VPS33B: variants seen among roughly 807,000 people sequenced by gnomAD.
The protein encoded by VPS33B is VPS33B late endosome and lysosome associated.
A neutral mutation model predicts 95.3 loss-of-function variants in VPS33B; 80 were observed. The ratio of observed to expected loss-of-function variants is 0.84; its 90% confidence interval spans 0.70 to 1.01. The LOEUF (loss-of-function observed/expected upper bound fraction) is 1.01. VPS33B is among the 50% of genes least tolerant of loss of function. VPS33B has a pLI of 0.00. For missense variants in VPS33B, 715 were observed against 773.4 expected, an observed-to-expected ratio of 0.92 and a Z score of 0.90; for synonymous variants, 280 against 280.4, an observed-to-expected ratio of 1.00 and a Z score of 0.01.
rs1050433695 is a variant in VPS33B, at chr15:91,015,164, C to T, written c.240-731G>A. 1.3e-5 allele frequency among the ~76,000 whole-genome samples: 2 copies of T among 151,148 alleles called. No homozygotes were observed. The highest frequency in any genetic ancestry group is 2.9e-5 in the Non-Finnish European group (2 of 67,798). On this transcript the variant is annotated intron_variant, in intron 3 of 22. Transcript: ENST00000333371. The surrounding 1 kb of genome is among the most constrained non-coding windows in gnomAD (Gnocchi z 4.7). ...CAGCCCAGCCAACATGGTGAAACCC[C>T]GTCTCTACTAAAAATACAAAAATTG...
rs1233749802 is a variant in VPS33B, at chr15:91,018,467, G to C, written c.97-582C>G. Among the ~76,000 whole-genome samples the C allele has an allele frequency of 6.6e-6, 1 of 152,166 alleles. No individual in the cohort carries two copies. Among genetic ancestry groups the C allele is most frequent in the African/African-American group, 2.4e-5 (1 of 41,424 alleles). On this transcript the variant is annotated intron_variant, in intron 1 of 22. Coordinates refer to ENST00000333371, the MANE Select transcript of VPS33B (RefSeq NM_018668.5). This position sits in a 1 kb window ranked among gnomAD's most constrained non-coding sequence, Gnocchi z 4.7. ...GAGAGGTCACAGTTAGTGACAGGGA[G>C]GGGAAAGTCACTGGGAGTTTCCTCT...
rs746964381 is a variant in VPS33B, at chr15:91,000,633, C to T, written c.1480-42G>A. On this transcript the variant is annotated intron_variant, in intron 19 of 22. Coordinates refer to ENST00000333371, the MANE Select transcript of VPS33B (RefSeq NM_018668.5). This position sits in a 1 kb window ranked among gnomAD's most constrained non-coding sequence, Gnocchi z 4.9. ...CTTCATTAGGCAAGTGACAGCTCAGCTCCCTAACCCTTTAAAGGGTCAGAT... is the reference window on the plus strand; with the variant it reads ...CTTCATTAGGCAAGTGACAGCTCAGTTCCCTAACCCTTTAAAGGGTCAGAT... 2 of 1,566,476 alleles carry T rather than the reference C, an allele frequency of 1.3e-6. No individual in the cohort carries two copies. The highest frequency in any genetic ancestry group is 1.8e-6 in the Non-Finnish European group (2 of 1,141,508).
rs190231820 is a variant in VPS33B at position 91,007,727 on chromosome 15, T to C, written c.498+143A>G. 9.4e-5 allele frequency: 107 copies of C among 1,139,676 alleles called. 1 individual carries two copies. In the East Asian group the frequency reaches 1.4e-3, roughly 15 times the overall value. 70.6% of individuals were successfully genotyped at this position (1,139,676 alleles called of 1,614,324 possible). ...CCACAGGAAGTCCCACAGAGACCAA[T>C]CTGTAGCACTCAATCACCACATCAC... On this transcript the variant is annotated intron_variant, in intron 7 of 22. Coordinates refer to ENST00000333371, the MANE Select transcript of VPS33B (RefSeq NM_018668.5). The surrounding 1 kb of genome is among the most constrained non-coding windows in gnomAD (Gnocchi z 5.3).
chr15:90,999,668 C>G lies in VPS33B; in HGVS notation c.1774+9G>C. On this transcript the variant is annotated intron_variant, in intron 22 of 22. Transcript: ENST00000333371. This position sits in a 1 kb window ranked among gnomAD's most constrained non-coding sequence, Gnocchi z 5.1. Reference sequence around the variant, plus strand: ...GCAGGCCAATTCTCACCTTTCTGCTCTCTCTTACCTTTCTCTCTGCCCAGG... The same window carrying G: ...GCAGGCCAATTCTCACCTTTCTGCTGTCTCTTACCTTTCTCTCTGCCCAGG... 2 of 1,613,850 alleles carry G rather than the reference C, an allele frequency of 1.2e-6. No individual in the cohort carries two copies. The highest frequency in any genetic ancestry group is 1.3e-5 in the African/African-American group (1 of 75,020).
chr15:90,999,318 GT>G lies in VPS33B; in HGVS notation c.1775-265del, dbSNP rs199831273. The G allele has an allele frequency of 0.074, 34,328 of 462,742 alleles. 307 individuals carry two copies. The highest frequency in any genetic ancestry group is 0.092 in the South Asian group (3,872 of 42,032). 28.7% of individuals were successfully genotyped at this position (462,742 alleles called of 1,614,324 possible). On this transcript the variant is annotated intron_variant, in intron 22 of 22. Transcript: ENST00000333371. This position sits in a 1 kb window ranked among gnomAD's most constrained non-coding sequence, Gnocchi z 5.1. ...TATTCCTGTGCAGGACACTTTGCGT[GT>G]TTTTTTTTTTTCTCTTGAGATGGAG... is the stretch of plus-strand genomic sequence containing the variant.
At chr15:91,019,517 A>C (rs150298581) in intron 1 of VPS33B, among the ~76,000 whole-genome samples, 2 of 152,304 alleles carry the variant, frequency 1.3e-5, no homozygotes, top group African/African-American at 2.4e-5. Flanking sequence ...AAATAGACCA[A>C]AATAGTTGGT....
Position 91,000,013 on chromosome 15 carries a change from A to G in VPS33B, c.1582-38T>C, listed in dbSNP as rs775226529. ...AAGCACTGTTTTTAAGGCTACAGAC[A>G]GTATCAGGCTTAGGAAAGGAAGGGC... On this transcript the variant is annotated intron_variant, in intron 20 of 22. Transcript: ENST00000333371. This position sits in a 1 kb window ranked among gnomAD's most constrained non-coding sequence, Gnocchi z 4.9. 6.8e-6 allele frequency: 11 copies of G among 1,612,654 alleles called. No individual in the cohort carries two copies. Among genetic ancestry groups the G allele is most frequent in the Non-Finnish European group, 8.5e-6 (10 of 1,179,126 alleles).
intron 3 of VPS33B, 102 bp downstream of exon 3, chr15:91,016,861 G>A: frequency 3.6e-6 from 4 of 1,113,864 alleles, no homozygotes; most frequent in Non-Finnish European, 5.5e-6. Context: ...TAAAGTTCAG[G>A]GAGGTGAACC....
chr15:91,005,310 G>C lies in VPS33B; in HGVS notation c.1105+70C>G. On this transcript the variant is annotated intron_variant, in intron 14 of 22. Transcript: ENST00000333371. The surrounding 1 kb of genome is among the most constrained non-coding windows in gnomAD (Gnocchi z 6.4). ...GAAAGAGCCAGAGAACATCTTTTAA[G>C]GGTGGGACGGGGCTGGGAGCTGGGG... is the stretch of plus-strand genomic sequence containing the variant. 1 of 1,613,862 alleles carries C rather than the reference G, an allele frequency of 6.2e-7. No individual in the cohort carries two copies. The highest frequency in any genetic ancestry group is 8.5e-7 in the Non-Finnish European group (1 of 1,179,934).
rs864622006 is a variant in VPS33B at position 91,005,095 on chromosome 15, C to T, written c.1130G>A (p.Arg377Gln). ...TTCCTCAATGTAGCTGGTGCTCTCC[C>T]GGATGTTGAACCCCTCTAGCAGTGC... Reference protein sequence around the residue: ...EHALLEGFNIRESTSYIEEHI... With the variant: ...EHALLEGFNIQESTSYIEEHI... Residue 377 changes from arginine to glutamine, a missense_variant, in exon 15 of 23, where the codon CGG (arginine) becomes CAG (glutamine). Arg to Gln is a conservative substitution (Grantham distance 43, BLOSUM62 1). Coordinates refer to ENST00000333371, the MANE Select transcript of VPS33B (RefSeq NM_018668.5). The surrounding 1 kb of genome is among the most constrained non-coding windows in gnomAD (Gnocchi z 6.4). 6 of 1,614,188 alleles carry T rather than the reference C, an allele frequency of 3.7e-6. No individual in the cohort carries two copies. The highest frequency in any genetic ancestry group is 1.6e-4 in the Middle Eastern group (1 of 6,062).
rs1032757255 is a variant in VPS33B, at chr15:91,013,233, T to C, written c.357+571A>G. Among the ~76,000 whole-genome samples, 8 of 152,202 alleles carry C rather than the reference T, an allele frequency of 5.3e-5. No homozygotes were observed. Among genetic ancestry groups the C allele is most frequent in the South Asian group, 4.1e-4 (2 of 4,830 alleles). On this transcript the variant is annotated intron_variant, in intron 5 of 22. Coordinates refer to ENST00000333371, the MANE Select transcript of VPS33B (RefSeq NM_018668.5). The surrounding 1 kb of genome is among the most constrained non-coding windows in gnomAD (Gnocchi z 4.5). ...CTCTTCGCACAATTCCACAATACTT[T>C]ATTTGGGACAGTATGATGACAGACC...
In VPS33B at chr15:91,013,804, C is replaced by T. The variant is rs146758743; in HGVS notation, c.357G>A (p.Lys119=). Residue 119 remains lysine (K), a splice_region_variant and synonymous_variant, in exon 5 of 23, where the codon AAG becomes AAA. Transcript: ENST00000333371. This position sits in a 1 kb window ranked among gnomAD's most constrained non-coding sequence, Gnocchi z 4.5. The stretch of plus-strand genomic sequence containing the variant: ...CACTTCCTCCAGGATCCAAACTCAC[C>T]TTTTGAGGGCTGAAGATCACTTTGT... ...RKYKVIFSPQ[K]FYACEMVLEE... is the part of the protein sequence containing the mutation. 2,052 of 1,614,162 alleles carry T rather than the reference C, an allele frequency of 1.3e-3. 5 individuals carry two copies. Among genetic ancestry groups the T allele is most frequent in the Admixed American group, 7.5e-3 (448 of 60,024 alleles).
chr15:91,005,078 T>C lies in VPS33B; in HGVS notation c.1147A>G (p.Ile383Val), dbSNP rs780612620. 20 of 1,614,102 alleles carry C rather than the reference T, an allele frequency of 1.2e-5. No homozygotes were observed. In the Admixed American group the frequency reaches 1.8e-4, roughly 15 times the overall value. ...ACCTGCCGGTCTATGTGTTCCTCAA[T>C]GTAGCTGGTGCTCTCCCGGATGTTG... is the stretch of plus-strand genomic sequence containing the variant. ...GFNIRESTSY[I>V]EEHIDRQVSP... The change falls in exon 15 of 23, where the codon ATT becomes GTT. Residue 383 changes from isoleucine (I) to valine (V), a missense_variant. Physicochemically the swap from Ile to Val is conservative, Grantham distance 29. Transcript: ENST00000333371. The surrounding 1 kb of genome is among the most constrained non-coding windows in gnomAD (Gnocchi z 6.4).
Position 90,999,986 on chromosome 15 carries a change from G to T in VPS33B, c.1582-11C>A. On this transcript the variant is annotated splice_polypyrimidine_tract_variant and intron_variant, in intron 20 of 22. Transcript: ENST00000333371. This position sits in a 1 kb window ranked among gnomAD's most constrained non-coding sequence, Gnocchi z 5.1. ...TCGCCGCTCTAGCACCTGGGAAGGT[G>T]TAAGCACTGTTTTTAAGGCTACAGA... is the stretch of plus-strand genomic sequence containing the variant. The T allele has an allele frequency of 6.2e-7, 1 of 1,614,120 alleles. No individual in the cohort carries two copies. The highest frequency in any genetic ancestry group is 1.3e-5 in the African/African-American group (1 of 75,066).
chr15:91,000,900 C>A lies in VPS33B; in HGVS notation c.1480-309G>T. ...ACTGAAGCAGCACTTAGAATATTCT[C>A]TGGCATTGGCAGGTGCTTGTTACAT... On this transcript the variant is annotated intron_variant, in intron 19 of 22. Coordinates refer to ENST00000333371, the MANE Select transcript of VPS33B (RefSeq NM_018668.5). This position sits in a 1 kb window ranked among gnomAD's most constrained non-coding sequence, Gnocchi z 4.9. 1 of 415,098 alleles carries A rather than the reference C, an allele frequency of 2.4e-6. No homozygotes were observed. The highest frequency in any genetic ancestry group is 4.5e-6 in the Non-Finnish European group (1 of 221,422). The allele number at this position is 415,098 out of a possible 1,614,324, so 25.7% of individuals were successfully genotyped here.
Position 91,010,105 on chromosome 15 carries a change from A to G in VPS33B, c.358-259T>C, listed in dbSNP as rs1436810044. Reference sequence around the variant, plus strand: ...AGAATGGAAGAGGTTTACAAAGGAGAAGGAGTTCAGCTGTCTTCAAAAGGT... The same window carrying G: ...AGAATGGAAGAGGTTTACAAAGGAGGAGGAGTTCAGCTGTCTTCAAAAGGT... On this transcript the variant is annotated intron_variant, in intron 5 of 22. Coordinates refer to ENST00000333371, the MANE Select transcript of VPS33B (RefSeq NM_018668.5). The surrounding 1 kb of genome is among the most constrained non-coding windows in gnomAD (Gnocchi z 5.7). Among the ~76,000 whole-genome samples, 1 of 152,096 alleles carries G rather than the reference A, an allele frequency of 6.6e-6. No individual in the cohort carries two copies. The highest frequency in any genetic ancestry group is 2.4e-5 in the African/African-American group (1 of 41,370).
At chr15:91,004,995 T>C (rs1011963065) in intron 15 of VPS33B, 60 bp downstream of exon 15, 3 of 1,614,206 alleles carry the variant, frequency 1.9e-6, no homozygotes, top group Non-Finnish European at 2.5e-6. Flanking sequence ...TTCCTTCTGC[T>C]TAAGGCCGAC....
intron 1 of VPS33B, among the ~76,000 whole-genome samples, chr15:91,019,849 A>C (rs1380994862): frequency 6.6e-6 from 1 of 151,332 alleles, no homozygotes; most frequent in Non-Finnish European, 1.5e-5. Context: ...TTTGTTGCCC[A>C]GGCTGGAGTG....
At position 91,015,731 on chromosome 15, in the gene VPS33B, T is replaced by A. The variant is rs550421629; in HGVS notation, c.239+1232A>T. 6.7e-6 allele frequency among the ~76,000 whole-genome samples: 1 copy of A among 149,554 alleles called. No individual in the cohort carries two copies. The highest frequency in any genetic ancestry group is 2.5e-5 in the African/African-American group (1 of 39,666). ...TTGTAATCCCAGTTACTCAGGAGAC[T>A]GAGGTAGGAGGATCCCTTGAGCCAG... On this transcript the variant is annotated intron_variant, in intron 3 of 22. Transcript: ENST00000333371. This position sits in a 1 kb window ranked among gnomAD's most constrained non-coding sequence, Gnocchi z 4.7.
Sources: allele counts gnomAD v4.1 joint callset (sites outside exome capture counted in the v4.1 genomes callset), GRCh38; gene constraint gnomAD v4.1.1; non-coding constraint Gnocchi (gnomAD v3.1); transcripts MANE v1.5; gene names NCBI Gene and HGNC (gene_info 2026-07-23, HGNC 2026-07-21).